RFX3: variants seen among roughly 807,000 people sequenced by gnomAD.
RFX3 encodes transcription factor RFX3.
In RFX3, 14 loss-of-function variants were observed where a neutral mutation model predicts 98.6. The ratio of observed to expected loss-of-function variants is 0.14; its 90% CI spans 0.09 to 0.22. RFX3 has a LOEUF of 0.22. Ranked by LOEUF, RFX3 falls within the 10% of genes least tolerant of loss-of-function variation. The probability of loss-of-function intolerance (pLI) is 1.00; values close to 1 mark genes in which losing one functional copy is unlikely to be tolerated. For synonymous variants in RFX3, 383 were observed against 328.4 expected, an observed-to-expected ratio of 1.17 and a Z score of -1.80; for missense variants, 639 against 926.9, an observed-to-expected ratio of 0.69 and a Z score of 4.03.
At chr9:3,461,735 A>G (rs1479831866) in intron 1 of RFX3, among the ~76,000 whole-genome samples, 1 of 151,960 alleles carries the variant, frequency 6.6e-6, no homozygotes, top group Non-Finnish European at 1.5e-5. Flanking sequence ...CTCTGTGAAT[A>G]TATTTTCATA....
chr9:3,267,639 G>C (rs554588721), intron 11 of RFX3, among the ~76,000 whole-genome samples: 2 of 151,862 alleles, frequency 1.3e-5, no homozygotes, highest in East Asian at 1.9e-4. Context: ...TTAACCACGA[G>C]GATCATCTAC....
intron 1 of RFX3, among the ~76,000 whole-genome samples, chr9:3,405,968 T>G (rs572219646): frequency 4.6e-5 from 7 of 152,260 alleles, no homozygotes; most frequent in African/African-American, 1.4e-4. Flanking sequence ...GTTTTGTTTT[T>G]TTTTGAGACA....
At chr9:3,404,013 A>G (rs2132065682) in intron 1 of RFX3, among the ~76,000 whole-genome samples, 1 of 151,878 alleles carries the variant, frequency 6.6e-6, no homozygotes, top group African/African-American at 2.4e-5. Context: ...GCAGTTCCTA[A>G]CTATTCTAAT....
chr9:3,483,188 C>T (rs1849944273), intron 1 of RFX3, among the ~76,000 whole-genome samples: 1 of 152,060 alleles, frequency 6.6e-6, no homozygotes, highest in South Asian at 2.1e-4. Context: ...TACACCACTA[C>T]CCGACCCCCA....
intron 14 of RFX3, among the ~76,000 whole-genome samples, chr9:3,253,506 A>G (rs952837800): frequency 4.0e-5 from 6 of 151,416 alleles, no homozygotes; most frequent in African/African-American, 1.5e-4. Context: ...AAGCTGAGAA[A>G]TGGCCCATAT....
intron 5 of RFX3, among the ~76,000 whole-genome samples, chr9:3,300,963 G>A (rs949477093): frequency 9.2e-5 from 14 of 151,826 alleles, no homozygotes; most frequent in African/African-American, 3.1e-4. Flanking sequence ...TCAATTATTA[G>A]CAATTTATGG....
rs560892980 is a variant in RFX3 at position 3,294,063 on chromosome 9, A to T, written c.550-805T>A. Reference sequence around the variant, plus strand: ...TACATTACAAAAAAATCTTTAAAGCACTGAATGTACAAGAAAATTTTAGAA... The same window carrying T: ...TACATTACAAAAAAATCTTTAAAGCTCTGAATGTACAAGAAAATTTTAGAA... On this transcript the variant is annotated intron_variant, in intron 5 of 16. Coordinates refer to ENST00000617270, the MANE Select transcript of RFX3 (RefSeq NM_001282116.2). Among the ~76,000 whole-genome samples, 203 of 152,296 alleles carry T rather than the reference A, an allele frequency of 1.3e-3. 1 individual carries two copies. The highest frequency in any genetic ancestry group is 4.5e-3 in the African/African-American group (188 of 41,578).
At chr9:3,375,944 A>T (rs1173162117) in intron 2 of RFX3, among the ~76,000 whole-genome samples, 1 of 152,066 alleles carries the variant, frequency 6.6e-6, no homozygotes, top group Non-Finnish European at 1.5e-5. Flanking sequence ...TGGGTGACAG[A>T]GCGAGACTCC....
intron 4 of RFX3, among the ~76,000 whole-genome samples, chr9:3,307,741 A>C (rs1170424907): frequency 6.6e-6 from 1 of 152,178 alleles, no homozygotes; most frequent in Non-Finnish European, 1.5e-5. Context: ...TATTCTAAGA[A>C]TACAGATCAT....
intron 2 of RFX3, among the ~76,000 whole-genome samples, chr9:3,378,490 T>C (rs545267476): frequency 6.2e-4 from 94 of 152,042 alleles, no homozygotes; most frequent in African/African-American, 2.2e-3. Flanking sequence ...CTATATCTCC[T>C]ATTTTTAAGT....
chr9:3,517,657 T>C (rs1001529032), intron 1 of RFX3, among the ~76,000 whole-genome samples: 1 of 152,250 alleles, frequency 6.6e-6, no homozygotes. Flanking sequence ...GCATCTGTGA[T>C]TGTGCAAACA....
At chr9:3,419,784 G>A (rs1480094230) in intron 1 of RFX3, among the ~76,000 whole-genome samples, 5 of 152,032 alleles carry the variant, frequency 3.3e-5, no homozygotes, top group Non-Finnish European at 7.4e-5. Flanking sequence ...AATTATATTT[G>A]TACATATGCA....
intron 1 of RFX3, among the ~76,000 whole-genome samples, chr9:3,461,580 AT>A (rs1364020293): frequency 2.0e-5 from 3 of 151,978 alleles, no homozygotes; most frequent in Non-Finnish European, 2.9e-5. Flanking sequence ...TAGAAAAAGA[AT>A]TTTTTTAATT....
intron 1 of RFX3, among the ~76,000 whole-genome samples, chr9:3,520,171 G>A (rs1818565643): frequency 1.3e-5 from 2 of 152,116 alleles, no homozygotes; most frequent in Admixed American, 1.3e-4. Flanking sequence ...TATTTTTAAA[G>A]AAAAATGCCT....
intron 5 of RFX3, among the ~76,000 whole-genome samples, chr9:3,297,227 T>C (rs1828102535): frequency 6.6e-6 from 1 of 152,110 alleles, no homozygotes; most frequent in Non-Finnish European, 1.5e-5. Context: ...TTATTATATC[T>C]TTTGCTCTTT....
chr9:3,293,545 T>C (rs956278928), intron 5 of RFX3, among the ~76,000 whole-genome samples: 1 of 152,116 alleles, frequency 6.6e-6, no homozygotes, highest in Non-Finnish European at 1.5e-5. Context: ...ATTTTGAAAA[T>C]AGACACCACT....
At chr9:3,231,735 G>A (rs1390951827) in intron 15 of RFX3, among the ~76,000 whole-genome samples, 1 of 151,946 alleles carries the variant, frequency 6.6e-6, no homozygotes, top group African/African-American at 2.4e-5. Context: ...CCATAGATAG[G>A]GGCCAGATGA....
chr9:3,511,140 CA>C (rs1474006830), intron 1 of RFX3, among the ~76,000 whole-genome samples: 1 of 151,852 alleles, frequency 6.6e-6, no homozygotes, highest in African/African-American at 2.4e-5. Flanking sequence ...ATTATACAAA[CA>C]AAAAATGCAA....
chr9:3,231,327 A>G (rs1466607766), intron 15 of RFX3, among the ~76,000 whole-genome samples: 2 of 152,200 alleles, frequency 1.3e-5, no homozygotes, highest in Non-Finnish European at 2.9e-5. Flanking sequence ...TGAGGGGACA[A>G]CAGATGTAAA....
Sources: allele counts gnomAD v4.1 joint callset (sites outside exome capture counted in the v4.1 genomes callset), GRCh38; gene constraint gnomAD v4.1.1; transcripts MANE v1.5; gene names NCBI Gene and HGNC (gene_info 2026-07-23, HGNC 2026-07-21).